Variants in KCNAB2 observed in about 807,000 individuals in gnomAD.
KCNAB2 encodes voltage-gated potassium channel subunit beta-2.
In KCNAB2, 29 loss-of-function variants were observed where a neutral mutation model predicts 63.6. That is an observed-to-expected ratio of 0.46 (90% CI 0.34 to 0.62). The LOEUF (loss-of-function observed/expected upper bound fraction) is 0.62, where lower values mean the gene tolerates loss of function less well. Among genes scored for constraint, KCNAB2 ranks in the 20% least tolerant of loss-of-function variants. The pLI is 0.01. For missense variants in KCNAB2, 359 were observed against 563.9 expected, an observed-to-expected ratio of 0.64 and a Z score of 3.68; for synonymous variants, 222 against 224.2, an observed-to-expected ratio of 0.99 and a Z score of 0.09.
At chr1:6,081,678 T>A (rs918717628) in intron 4 of KCNAB2, among the ~76,000 whole-genome samples, 1 of 152,214 alleles carries the variant, frequency 6.6e-6, no homozygotes, top group Non-Finnish European at 1.5e-5. Context: ...TGTAGACGTG[T>A]CACTCTGGTC....
chr1:6,057,223 A>C (rs1201856377), intron 2 of KCNAB2, among the ~76,000 whole-genome samples: 1 of 151,772 alleles, frequency 6.6e-6, no homozygotes, highest in Non-Finnish European at 1.5e-5. Flanking sequence ...ACCCTTGGTC[A>C]TGAACTCCTG....
intron 1 of KCNAB2, among the ~76,000 whole-genome samples, chr1:6,013,391 C>T (rs1486428884): frequency 6.6e-6 from 1 of 152,244 alleles, no homozygotes; most frequent in East Asian, 1.9e-4. Context: ...GCAGGAACCC[C>T]AAGGAACAGC....
chr1:6,095,709 T>A, intron 13 of KCNAB2, 85 bp downstream of exon 13: 1 of 1,288,020 alleles, frequency 7.8e-7, no homozygotes, highest in Non-Finnish European at 1.1e-6. Context: ...GCTTTGGTGC[T>A]GGGCAGGGGT....
intron 1 of KCNAB2, among the ~76,000 whole-genome samples, chr1:6,048,403 A>AC (rs1257687579): frequency 3.3e-5 from 5 of 152,306 alleles, no homozygotes; most frequent in South Asian, 4.1e-4. Flanking sequence ...GCCTGGTACA[A>AC]CAGGCCTCTG....
chr1:6,054,169 G>T (rs989698548), intron 2 of KCNAB2, among the ~76,000 whole-genome samples: 2 of 152,158 alleles, frequency 1.3e-5, no homozygotes, highest in African/African-American at 4.8e-5. Context: ...CCTACGACTG[G>T]TGTCCTTATA....
intron 11 of KCNAB2, 21 bp from the exon 12 acceptor site, chr1:6,095,302 G>T (rs578001801): frequency 2.2e-5 from 36 of 1,606,236 alleles, no homozygotes; most frequent in South Asian, 2.1e-4. Flanking sequence ...GGGCCCTCGG[G>T]GTCCCTTTCT....
chr1:6,001,496 G>A (rs918932592), intron 1 of KCNAB2, among the ~76,000 whole-genome samples: 20 of 152,134 alleles, frequency 1.3e-4, no homozygotes, highest in East Asian at 3.9e-4. Flanking sequence ...CATGATCACC[G>A]GTTGTTGGAG....
chr1:6,041,984 C>T (rs1371875791), upstream of KCNAB2: 4 of 887,480 alleles, frequency 4.5e-6, no homozygotes, highest in African/African-American at 5.0e-5. Flanking sequence ...GAAGCCAAAG[C>T]CCCCGAGACC....
At position 6,074,682 on chromosome 1, in the gene KCNAB2, G is replaced by A. The variant is rs545449518; in HGVS notation, c.300+912G>A. Among the ~76,000 whole-genome samples, 82 of 152,290 alleles carry A rather than the reference G, an allele frequency of 5.4e-4. No homozygotes were observed. The highest frequency in any genetic ancestry group is 1.6e-3 in the African/African-American group (68 of 41,560). ...TTTATCTTTAAGACACTAGCTGGCCGGGCGCGGTGACTCACACCTGTAACC... is the reference window on the plus strand; with the variant it reads ...TTTATCTTTAAGACACTAGCTGGCCAGGCGCGGTGACTCACACCTGTAACC... On this transcript the variant is annotated intron_variant, in intron 4 of 15. Coordinates refer to ENST00000378083, the MANE Select transcript of KCNAB2 (RefSeq NM_001199862.2). This position sits in a 1 kb window ranked among gnomAD's most constrained non-coding sequence, Gnocchi z 4.9.
chr1:6,021,730 AGT>A (rs1658832596), intron 1 of KCNAB2, among the ~76,000 whole-genome samples: 1 of 146,356 alleles, frequency 6.8e-6, no homozygotes, highest in Non-Finnish European at 1.5e-5. Context: ...CAGTGGTATG[AGT>A]GTGTAGTTCG....
chr1:6,093,947 G>A (rs901894387), intron 10 of KCNAB2, among the ~76,000 whole-genome samples: 15 of 152,208 alleles, frequency 9.9e-5, no homozygotes, highest in South Asian at 2.1e-4. Flanking sequence ...GACCAGAAAC[G>A]CAAAAACACA....
intron 1 of KCNAB2, among the ~76,000 whole-genome samples, chr1:6,025,802 G>C (rs1659109126): frequency 6.6e-6 from 1 of 152,200 alleles, no homozygotes; most frequent in Non-Finnish European, 1.5e-5. Flanking sequence ...GGGAAGATAA[G>C]ATGAGGGAGC....
chr1:6,085,331 C>T (rs1664608427), intron 6 of KCNAB2, 83 bp downstream of exon 6: 1 of 1,290,412 alleles, frequency 7.7e-7, no homozygotes, highest in Non-Finnish European at 1.1e-6. Context: ...GCCTGTCGTG[C>T]AGTGTCGTAA....
rs115635073 is a variant in KCNAB2, at chr1:6,003,668, C to G, written c.-53+10880C>G. On this transcript the variant is annotated intron_variant, in intron 1 of 16. Transcript: ENST00000341524. The surrounding 1 kb of genome is among the most constrained non-coding windows in gnomAD (Gnocchi z 4.1). The stretch of plus-strand genomic sequence containing the variant: ...GTCACAGAGGTAGGATTCCTGGACC[C>G]CAAGCTCTGGACCTCTACTACCCAA... Among the ~76,000 whole-genome samples, 2,036 of 152,294 alleles carry G rather than the reference C, an allele frequency of 0.013. 31 individuals carry two copies. The highest frequency in any genetic ancestry group is 0.042 in the African/African-American group (1,762 of 41,554).
chr1:6,064,937 T>C (rs539691245), intron 2 of KCNAB2, among the ~76,000 whole-genome samples: 1 of 152,328 alleles, frequency 6.6e-6, no homozygotes, highest in Non-Finnish European at 1.5e-5. Flanking sequence ...GAGTATGTAT[T>C]GAGCGTCTGC....
Position 6,097,297 on chromosome 1 carries a change from C to T in KCNAB2, c.1098C>T (p.Ser366=). 6.4e-7 allele frequency: 1 copy of T among 1,551,200 alleles called. No individual in the cohort carries two copies. The highest frequency in any genetic ancestry group is 8.7e-7 in the Non-Finnish European group (1 of 1,146,692). Residue 366 remains serine (S), a synonymous_variant, in exon 15 of 16, where the codon AGC becomes AGT. Coordinates refer to ENST00000378083, the MANE Select transcript of KCNAB2 (RefSeq NM_001199862.2). ...GGTGCCTGAGGAATGAGGGAGTCAG[C>T]TCCGTGCTCCTGGGGGCCTCCAATG... ...IAWCLRNEGV[S]SVLLGASNAD...
chr1:6,044,494 G>A (rs576066982), upstream of KCNAB2, among the ~76,000 whole-genome samples: 2 of 152,294 alleles, frequency 1.3e-5, no homozygotes, highest in African/African-American at 2.4e-5. Flanking sequence ...ACAGCTCAGA[G>A]GTGTGCACAG....
chr1:6,082,072 C>T (rs375322108), intron 4 of KCNAB2, 123 bp from the exon 5 acceptor site: 13 of 747,564 alleles, frequency 1.7e-5, no homozygotes, highest in East Asian at 1.5e-4. Flanking sequence ...CACAGGGGAG[C>T]CTGTCGGGCC....
At chr1:6,038,332 C>A (rs1244008602) in intron 1 of KCNAB2, among the ~76,000 whole-genome samples, 1 of 152,030 alleles carries the variant, frequency 6.6e-6, no homozygotes, top group Non-Finnish European at 1.5e-5. Flanking sequence ...GCTCCATCAC[C>A]CAGGCTGGAG....
Sources: allele counts gnomAD v4.1 joint callset (sites outside exome capture counted in the v4.1 genomes callset), GRCh38; gene constraint gnomAD v4.1.1; non-coding constraint Gnocchi (gnomAD v3.1); transcripts MANE v1.5; gene names NCBI Gene and HGNC (gene_info 2026-07-23, HGNC 2026-07-21).